The following ADAMTSL1 variants were observed in gnomAD, a reference collection of about 807,000 sequenced individuals.
The protein encoded by ADAMTSL1 is ADAMTS-like protein 1.
In ADAMTSL1, 126 loss-of-function variants were observed where a neutral mutation model predicts 201.8. The ratio of observed to expected loss-of-function variants is 0.62; its 90% CI spans 0.54 to 0.72. The LOEUF (loss-of-function observed/expected upper bound fraction) is 0.72. Ranked by LOEUF, ADAMTSL1 falls within the 30% of genes least tolerant of loss-of-function variation. The pLI is 0.00. For missense variants in ADAMTSL1, 2,679 were observed against 2,277.8 expected (o/e 1.18, Z -3.59); for synonymous variants, 1,121 against 903.4 (o/e 1.24, Z -4.32).
intron 3 of ADAMTSL1, among the ~76,000 whole-genome samples, chr9:18,536,773 A>G (rs929300101): frequency 6.6e-6 from 1 of 152,210 alleles, no homozygotes; most frequent in East Asian, 1.9e-4. Context: ...CAGGTCATTT[A>G]GGTCTCAGAG....
At chr9:17,932,996 T>G (rs1826859711) in intron 1 of ADAMTSL1, among the ~76,000 whole-genome samples, 1 of 152,198 alleles carries the variant, frequency 6.6e-6, no homozygotes, top group South Asian at 2.1e-4. Context: ...CCATCATGGT[T>G]ACAAAGTGCC....
chr9:18,717,219 A>C (rs1386261299), intron 14 of ADAMTSL1, among the ~76,000 whole-genome samples: 1 of 130,980 alleles, frequency 7.6e-6, no homozygotes, highest in South Asian at 2.7e-4. Context: ...CATGTACCCT[A>C]AAACTTAAAG....
At chr9:18,214,865 T>G (rs1034117930) in intron 2 of ADAMTSL1, among the ~76,000 whole-genome samples, 5 of 152,176 alleles carry the variant, frequency 3.3e-5, no homozygotes, top group Admixed American at 6.5e-5. Context: ...ATGGGAAAGA[T>G]TTACATGTAT....
intron 2 of ADAMTSL1, among the ~76,000 whole-genome samples, chr9:18,402,176 G>C (rs939731522): frequency 6.6e-6 from 1 of 152,058 alleles, no homozygotes; most frequent in Non-Finnish European, 1.5e-5. Context: ...TTCCACACCT[G>C]CTTTGCTCGA....
At chr9:18,289,468 A>G (rs1443653464) in intron 2 of ADAMTSL1, among the ~76,000 whole-genome samples, 1 of 152,228 alleles carries the variant, frequency 6.6e-6, no homozygotes, top group African/African-American at 2.4e-5. Flanking sequence ...ACTTGAGATA[A>G]TGCAATGATA....
chr9:18,179,649 G>GTGGGT (rs1828361669), intron 2 of ADAMTSL1, among the ~76,000 whole-genome samples: 1 of 152,164 alleles, frequency 6.6e-6, no homozygotes, highest in African/African-American at 2.4e-5. Flanking sequence ...CCCTCAAAGG[G>GTGGGT]AAGCCCATCA....
At chr9:17,913,726 T>A (rs949129793) in intron 1 of ADAMTSL1, among the ~76,000 whole-genome samples, 1 of 152,132 alleles carries the variant, frequency 6.6e-6, no homozygotes, top group African/African-American at 2.4e-5. Context: ...AACTGATGAA[T>A]CCAGGAGCTG....
At chr9:18,080,075 C>A (rs147305065) in intron 1 of ADAMTSL1, among the ~76,000 whole-genome samples, 16 of 152,288 alleles carry the variant, frequency 1.1e-4, no homozygotes, top group Middle Eastern at 3.4e-3. Flanking sequence ...GAGAGCCTGG[C>A]AGAGGCAGAA....
At position 18,322,591 on chromosome 9, in the gene ADAMTSL1, C is replaced by T. The variant is rs575624774; in HGVS notation, c.207+158610C>T. ...GAGGTTGCAGTGAGCCGAGATTGTGCCACTGCACACTCCAGCCTGGGTGAC... is the reference window on the plus strand; with the variant it reads ...GAGGTTGCAGTGAGCCGAGATTGTGTCACTGCACACTCCAGCCTGGGTGAC... On this transcript the variant is annotated intron_variant, in intron 2 of 29. Coordinates refer to the ADAMTSL1 transcript ENST00000680146. 9.2e-5 allele frequency among the ~76,000 whole-genome samples: 14 copies of T among 152,240 alleles called. No individual in the cohort carries two copies. The South Asian group carries it at 2.7e-3, about 29-fold the overall frequency.
chr9:18,907,344 C>T (rs1830374216), intron 28 of ADAMTSL1: 1 of 180,132 alleles, frequency 5.6e-6, no homozygotes, highest in African/African-American at 2.4e-5. Flanking sequence ...CACACCTCTG[C>T]TTCTCACCCA....
intron 1 of ADAMTSL1, among the ~76,000 whole-genome samples, chr9:17,962,476 T>C (rs991142710): frequency 2.0e-5 from 3 of 152,200 alleles, no homozygotes; most frequent in African/African-American, 7.2e-5. Flanking sequence ...GTGCTTTACC[T>C]TACACAACCA....
chr9:18,851,177 C>G (rs541135921), intron 23 of ADAMTSL1, among the ~76,000 whole-genome samples: 1 of 152,118 alleles, frequency 6.6e-6, no homozygotes, highest in Non-Finnish European at 1.5e-5. Flanking sequence ...TCATTCTATG[C>G]CAAGCTCTCG....
intron 20 of ADAMTSL1, among the ~76,000 whole-genome samples, chr9:18,802,531 C>G (rs12350694): frequency 2.6e-5 from 4 of 151,892 alleles, no homozygotes; most frequent in Non-Finnish European, 4.4e-5. Flanking sequence ...TTATCCATGT[C>G]GTAGCATTAT....
At chr9:18,112,956 C>G (rs529355039) in intron 1 of ADAMTSL1, among the ~76,000 whole-genome samples, 1 of 152,220 alleles carries the variant, frequency 6.6e-6, no homozygotes, top group South Asian at 2.1e-4. Flanking sequence ...TACAGTCAAT[C>G]AGTAATGATG....
At chr9:18,046,018 C>T (rs1017098162) in intron 1 of ADAMTSL1, among the ~76,000 whole-genome samples, 5 of 152,110 alleles carry the variant, frequency 3.3e-5, no homozygotes, top group African/African-American at 1.2e-4. Flanking sequence ...GGAATCTGTT[C>T]CTAGCCATTG....
chr9:18,030,791 G>A (rs1820918509), intron 1 of ADAMTSL1, among the ~76,000 whole-genome samples: 1 of 152,008 alleles, frequency 6.6e-6, no homozygotes, highest in Admixed American at 6.6e-5. Context: ...TCTCTCTCAG[G>A]AATGCCAATG....
intron 2 of ADAMTSL1, among the ~76,000 whole-genome samples, chr9:18,301,057 C>G (rs1833691461): frequency 1.3e-5 from 2 of 152,044 alleles, no homozygotes; most frequent in Non-Finnish European, 2.9e-5. Context: ...ACAGTAAATA[C>G]TATTTATATA....
intron 3 of ADAMTSL1, among the ~76,000 whole-genome samples, chr9:18,568,548 T>C (rs1169942274): frequency 2.0e-5 from 3 of 152,332 alleles, no homozygotes; most frequent in South Asian, 2.1e-4. Flanking sequence ...CGTATGTTTT[T>C]ATCATAACGT....
intron 15 of ADAMTSL1, among the ~76,000 whole-genome samples, chr9:18,727,818 G>A (rs1369797425): frequency 6.6e-6 from 1 of 152,122 alleles, no homozygotes; most frequent in African/African-American, 2.4e-5. Flanking sequence ...AGTGGCTCAT[G>A]CCTGTAATCC....
Sources: gnomAD v4.1 joint callset for allele counts (sites outside exome capture counted in the v4.1 genomes callset) on GRCh38, gnomAD v4.1.1 for gene constraint, MANE v1.5 for transcripts, NCBI Gene and HGNC (gene_info 2026-07-23, HGNC 2026-07-21) for gene names.